Variants in RAB28 observed in about 807,000 individuals in gnomAD.
The protein encoded by RAB28 is ras-related protein Rab-28.
A neutral mutation model predicts 31.7 loss-of-function variants in RAB28; 24 were observed. That is an observed-to-expected ratio of 0.76 (90% CI 0.55 to 1.06). The LOEUF is 1.06. Ranked by LOEUF, RAB28 falls within the 50% of genes least tolerant of loss-of-function variation. RAB28 has a pLI of 0.00. For synonymous variants in RAB28, 100 were observed against 90.4 expected, an observed-to-expected ratio of 1.11 and a Z score of -0.60; for missense variants, 254 against 258.5, an observed-to-expected ratio of 0.98 and a Z score of 0.12.
At chr4:13,407,267 C>G (rs536958505) in intron 4 of RAB28, among the ~76,000 whole-genome samples, 34 of 152,202 alleles carry the variant, frequency 2.2e-4, no homozygotes, top group African/African-American at 7.7e-4. Context: ...ACAGAGAATC[C>G]TTTCCCCATT....
intron 4 of RAB28, among the ~76,000 whole-genome samples, chr4:13,416,512 A>T (rs1441074266): frequency 7.2e-5 from 11 of 152,220 alleles, no homozygotes; most frequent in Admixed American, 7.2e-4. Context: ...AGCCAAGTTT[A>T]AAAGATAAAT....
chr4:13,423,503 G>A (rs372262657), intron 4 of RAB28, among the ~76,000 whole-genome samples: 2 of 151,904 alleles, frequency 1.3e-5, no homozygotes, highest in African/African-American at 4.8e-5. Context: ...AAAAAAAGGT[G>A]AGAATAAGTC....
chr4:13,469,781 T>C (rs1280011131), intron 3 of RAB28, among the ~76,000 whole-genome samples: 1 of 152,026 alleles, frequency 6.6e-6, no homozygotes, highest in Non-Finnish European at 1.5e-5. Context: ...CTCAAACTCC[T>C]GGACTCAAAT....
intron 4 of RAB28, among the ~76,000 whole-genome samples, chr4:13,451,677 T>C (rs1269790213): frequency 1.3e-5 from 2 of 151,938 alleles, no homozygotes; most frequent in Non-Finnish European, 2.9e-5. Flanking sequence ...TGAAGTGTTT[T>C]CTCTATGTTT....
At chr4:13,427,457 C>T (rs1056584249) in intron 4 of RAB28, among the ~76,000 whole-genome samples, 13 of 152,004 alleles carry the variant, frequency 8.6e-5, no homozygotes, top group African/African-American at 3.1e-4. Context: ...CAGGTACTTT[C>T]TAGACCTACT....
chr4:13,438,490 T>G (rs1449977182), intron 4 of RAB28, among the ~76,000 whole-genome samples: 1 of 152,194 alleles, frequency 6.6e-6, no homozygotes, highest in Non-Finnish European at 1.5e-5. Flanking sequence ...TGGATTTACT[T>G]ATTTTGAAAA....
Position 13,472,274 on chromosome 4 carries a change from G to A in RAB28, c.261+2044C>T, listed in dbSNP as rs142216418. ...GTGATCCTCCCACCTGTGCCTCTCA[G>A]TTAGCTGAGATTACAGGCATGAGCC... is the stretch of plus-strand genomic sequence containing the variant. On this transcript the variant is annotated intron_variant, in intron 3 of 6. Coordinates refer to ENST00000330852, the MANE Select transcript of RAB28 (RefSeq NM_001017979.3). Among the ~76,000 whole-genome samples, 698 of 151,962 alleles carry A rather than the reference G, an allele frequency of 4.6e-3. 6 individuals are homozygous for A. Among genetic ancestry groups the A allele is most frequent in the African/African-American group, 0.016 (665 of 41,484 alleles).
chr4:13,479,717 A>G (rs545378097), intron 1 of RAB28, among the ~76,000 whole-genome samples, 191 bp from the exon 2 acceptor site: 2 of 151,806 alleles, frequency 1.3e-5, no homozygotes, highest in East Asian at 1.9e-4. Context: ...GCCAGCAGCT[A>G]TCGGTAGGGA....
At chr4:13,462,964 G>A (rs1212801889) in intron 3 of RAB28, among the ~76,000 whole-genome samples, 1 of 152,204 alleles carries the variant, frequency 6.6e-6, no homozygotes, top group Non-Finnish European at 1.5e-5. Flanking sequence ...TCAGGTTGCT[G>A]TTGGATTCCA....
At chr4:13,398,650 C>T (rs945920822) in intron 4 of RAB28, among the ~76,000 whole-genome samples, 2 of 151,984 alleles carry the variant, frequency 1.3e-5, no homozygotes, top group East Asian at 1.9e-4. Context: ...TGATGGCGGG[C>T]GCCTGTAGTC....
chr4:13,457,010 C>T (rs543649326), intron 4 of RAB28, among the ~76,000 whole-genome samples: 1 of 152,294 alleles, frequency 6.6e-6, no homozygotes, highest in South Asian at 2.1e-4. Context: ...TTCTCTCCCT[C>T]CTTCTACTAA....
chr4:13,431,845 A>T (rs919771207), intron 4 of RAB28, among the ~76,000 whole-genome samples: 1 of 152,146 alleles, frequency 6.6e-6, no homozygotes, highest in Non-Finnish European at 1.5e-5. Flanking sequence ...AATACCTCAG[A>T]TGAGAAGGAA....
chr4:13,376,624 T>C lies in RAB28; in HGVS notation c.496-2A>G. 1 of 1,590,178 alleles carries C rather than the reference T, an allele frequency of 6.3e-7. No homozygotes were observed. The highest frequency in any genetic ancestry group is 8.5e-7 in the Non-Finnish European group (1 of 1,169,752). ...AACTTTCTGAAAGCACAGGAAGACC[T>C]ACATAACAAAAATGGGTTTAAATGA... is the stretch of plus-strand genomic sequence containing the variant. On this transcript the variant is annotated splice_acceptor_variant, in intron 5 of 6. Transcript: ENST00000330852. LOFTEE classifies it high-confidence loss of function.
intron 3 of RAB28, among the ~76,000 whole-genome samples, chr4:13,467,293 C>T (rs568824983): frequency 1.3e-5 from 2 of 150,638 alleles, no homozygotes; most frequent in South Asian, 2.1e-4. Flanking sequence ...TAAATATAAC[C>T]GATTATAAAC....
At chr4:13,389,316 G>GCC (rs1428688956) in intron 4 of RAB28, among the ~76,000 whole-genome samples, 1 of 152,100 alleles carries the variant, frequency 6.6e-6, no homozygotes, top group Non-Finnish European at 1.5e-5. Context: ...GAGGAAAAAA[G>GCC]AAGTTGTTGT....
At position 13,367,823 on chromosome 4, in the gene RAB28, T is replaced by C. The variant is rs1728563707; in HGVS notation, c.*735A>G. 2.0e-6 allele frequency: 2 copies of C among 984,540 alleles called. No homozygotes were observed. Among genetic ancestry groups the C allele is most frequent in the African/African-American group, 1.7e-5 (1 of 57,146 alleles). The allele number at this position is 984,540 out of a possible 1,614,324, so 61.0% of individuals were successfully genotyped here. A position where few individuals can be genotyped will look rare whatever the true frequency, so the allele number is the denominator to read the frequency against. On this transcript the variant is annotated 3_prime_UTR_variant, in exon 7 of 7. Transcript: ENST00000330852. Reference sequence around the variant, plus strand: ...CATTCTCGGGAGTACTCTTATGCAGTTTGCAAGAGAAATTCCACGTGGAGC... The same window carrying C: ...CATTCTCGGGAGTACTCTTATGCAGCTTGCAAGAGAAATTCCACGTGGAGC...
At chr4:13,424,703 T>C (rs954603327) in intron 4 of RAB28, among the ~76,000 whole-genome samples, 3 of 152,216 alleles carry the variant, frequency 2.0e-5, no homozygotes, top group African/African-American at 7.2e-5. Context: ...TACAGGCAAC[T>C]GCCTATACTT....
intron 6 of RAB28, chr4:13,371,624 G>T (rs367823781): frequency 1.0e-6 from 1 of 985,102 alleles, no homozygotes; most frequent in Non-Finnish European, 1.2e-6. Flanking sequence ...AAATGTTTCC[G>T]AACTGTAAGC....
intron 4 of RAB28, among the ~76,000 whole-genome samples, chr4:13,428,622 A>C (rs1713640006): frequency 6.6e-6 from 1 of 152,214 alleles, no homozygotes; most frequent in African/African-American, 2.4e-5. Context: ...TTATAGTCTA[A>C]GGAACAGAAA....
Sources: allele counts gnomAD v4.1 joint callset (sites outside exome capture counted in the v4.1 genomes callset), GRCh38; gene constraint gnomAD v4.1.1; transcripts MANE v1.5; gene names NCBI Gene and HGNC (gene_info 2026-07-23, HGNC 2026-07-21).